MMP16: variants seen among roughly 807,000 people sequenced by gnomAD.
MMP16 encodes the protein matrix metallopeptidase 16.
In MMP16, 12 loss-of-function variants were observed where a neutral mutation model predicts 67.8. That is an observed-to-expected ratio of 0.18 (90% confidence interval 0.11 to 0.29). The LOEUF (loss-of-function observed/expected upper bound fraction) is 0.29. Ranked by LOEUF, MMP16 falls within the 10% of genes least tolerant of loss-of-function variation. The pLI is 1.00. For missense variants in MMP16, 475 were observed against 765.7 expected, an observed-to-expected ratio of 0.62 and a Z score of 4.48; for synonymous variants, 249 against 255.9, an observed-to-expected ratio of 0.97 and a Z score of 0.26.
At chr8:88,049,692 A>C (rs931641270) in intron 8 of MMP16, among the ~76,000 whole-genome samples, 2 of 152,198 alleles carry the variant, frequency 1.3e-5, no homozygotes, top group African/African-American at 4.8e-5. Flanking sequence ...AGATGACATA[A>C]ACTATAACTT....
intron 3 of MMP16, among the ~76,000 whole-genome samples, chr8:88,178,141 C>T (rs1357011691): frequency 6.6e-6 from 1 of 152,102 alleles, no homozygotes; most frequent in Non-Finnish European, 1.5e-5. Flanking sequence ...AATATCTTCC[C>T]ACTTTCAACA....
At chr8:88,191,266 T>G (rs757050934) in intron 2 of MMP16, among the ~76,000 whole-genome samples, 13 of 152,190 alleles carry the variant, frequency 8.5e-5, no homozygotes, top group Non-Finnish European at 1.8e-4. Context: ...GGTTACCGTT[T>G]CTTTTTATAC....
At chr8:88,223,255 C>A (rs989397579) in intron 1 of MMP16, among the ~76,000 whole-genome samples, 1 of 152,024 alleles carries the variant, frequency 6.6e-6, no homozygotes, top group Admixed American at 6.6e-5. Context: ...GGAGTGTAAA[C>A]TAGTTCAACC....
At chr8:88,153,436 G>C (rs1808446001) in intron 4 of MMP16, among the ~76,000 whole-genome samples, 1 of 152,164 alleles carries the variant, frequency 6.6e-6, no homozygotes, top group South Asian at 2.1e-4. Flanking sequence ...GAACAAAGCT[G>C]GAGGCATCAC....
intron 4 of MMP16, among the ~76,000 whole-genome samples, chr8:88,121,896 C>T (rs937289018): frequency 6.6e-6 from 1 of 151,970 alleles, no homozygotes; most frequent in African/African-American, 2.4e-5. Context: ...ACTGTCTTCT[C>T]CGCTGACATA....
chr8:88,246,214 A>G, intron 1 of MMP16, among the ~76,000 whole-genome samples: 1 of 152,184 alleles, frequency 6.6e-6, no homozygotes, highest in Non-Finnish European at 1.5e-5. Context: ...AGTAACATTA[A>G]TGGTAGAAAA....
intron 9 of MMP16, among the ~76,000 whole-genome samples, chr8:88,043,933 G>T (rs1808166319): frequency 6.6e-6 from 1 of 152,156 alleles, no homozygotes; most frequent in African/African-American, 2.4e-5. Context: ...CTTCAAAATA[G>T]GTGAATGTAC....
intron 5 of MMP16, 146 bp downstream of exon 5, chr8:88,118,554 T>C (rs2118435362): frequency 6.1e-6 from 4 of 657,344 alleles, no homozygotes; most frequent in South Asian, 4.9e-5. Flanking sequence ...ATTCAGTTGA[T>C]AGAATAATTT....
At chr8:88,151,488 AAGAAC>A (rs1808406555) in intron 4 of MMP16, among the ~76,000 whole-genome samples, 2 of 150,074 alleles carry the variant, frequency 1.3e-5, no homozygotes, top group African/African-American at 4.9e-5. Flanking sequence ...GCAAATGTAA[AAGAAC>A]AGAAATTATA....
chr8:88,263,987 A>AGT lies in MMP16; in HGVS notation c.132+63086_132+63087dup, dbSNP rs56663859. On this transcript the variant is annotated intron_variant, in intron 1 of 9. Transcript: ENST00000286614. ...GAGAGAGAGAGAAAGAGAGAGAGAG[A>AGT]GTGTGTGTGTGTGTGTGTGTGTGCA... Among the ~76,000 whole-genome samples the AGT allele has an allele frequency of 6.7e-4, 95 of 142,170 alleles. 2 individuals are homozygous for AGT. The highest frequency in any genetic ancestry group is 1.0e-3 in the East Asian group (5 of 4,770). The allele number at this position is 142,170 out of a possible 152,430, so 93.3% of individuals were successfully genotyped here.
intron 6 of MMP16, among the ~76,000 whole-genome samples, chr8:88,089,541 A>T (rs917317879): frequency 1.3e-5 from 2 of 152,012 alleles, no homozygotes; most frequent in African/African-American, 4.8e-5. Flanking sequence ...TGGGGCATCC[A>T]ATGACATGAT....
intron 1 of MMP16, among the ~76,000 whole-genome samples, chr8:88,308,055 G>C (rs1811237810): frequency 6.6e-6 from 1 of 152,016 alleles, no homozygotes; most frequent in African/African-American, 2.4e-5. Flanking sequence ...TCTGTGGACA[G>C]AACTGTATTC....
At chr8:88,113,577 C>A (rs1489899053) in intron 6 of MMP16, among the ~76,000 whole-genome samples, 1 of 151,748 alleles carries the variant, frequency 6.6e-6, no homozygotes, top group Non-Finnish European at 1.5e-5. Flanking sequence ...GCAGAAAGAT[C>A]AGATATGGGG....
intron 4 of MMP16, among the ~76,000 whole-genome samples, chr8:88,142,637 G>A (rs377624637): frequency 3.8e-4 from 58 of 152,052 alleles, no homozygotes; most frequent in African/African-American, 1.1e-3. Context: ...AGAAATTATG[G>A]GTTTAATGAT....
At chr8:88,117,775 G>A (rs186998398) in intron 5 of MMP16, among the ~76,000 whole-genome samples, 11 of 151,872 alleles carry the variant, frequency 7.2e-5, no homozygotes, top group Non-Finnish European at 1.0e-4. Flanking sequence ...ATGCAAAAAC[G>A]AATTAGTGAA....
At chr8:88,086,915 C>T (rs184561465) in intron 6 of MMP16, among the ~76,000 whole-genome samples, 25 of 151,942 alleles carry the variant, frequency 1.6e-4, no homozygotes, top group Admixed American at 7.9e-4. Flanking sequence ...CCCCTTAACC[C>T]TGGAACAGTT....
At chr8:88,154,917 C>G (rs894869119) in intron 4 of MMP16, among the ~76,000 whole-genome samples, 1 of 150,440 alleles carries the variant, frequency 6.6e-6, no homozygotes, top group South Asian at 2.1e-4. Flanking sequence ...TATATCTATT[C>G]TAGGTTGTAA....
chr8:88,149,032 G>C (rs1390684175), intron 4 of MMP16, among the ~76,000 whole-genome samples: 1 of 152,230 alleles, frequency 6.6e-6, no homozygotes, highest in Non-Finnish European at 1.5e-5. Flanking sequence ...AGCAGGGCGA[G>C]GCATTGCCTC....
At chr8:88,153,690 C>A (rs953790310) in intron 4 of MMP16, among the ~76,000 whole-genome samples, 15 of 149,358 alleles carry the variant, frequency 1.0e-4, no homozygotes, top group African/African-American at 3.5e-4. Flanking sequence ...TGGATCCCTT[C>A]CTTACACCTT....
Sources: allele counts gnomAD v4.1 joint callset (sites outside exome capture counted in the v4.1 genomes callset), GRCh38; gene constraint gnomAD v4.1.1; transcripts MANE v1.5; gene names NCBI Gene and HGNC (gene_info 2026-07-23, HGNC 2026-07-21).